Variants in ULK1 observed in about 807,000 individuals in gnomAD.
The protein encoded by ULK1 is unc-51 like autophagy activating kinase 1.
In ULK1, 48 loss-of-function variants were observed where a neutral mutation model predicts 117.5. The ratio of observed to expected loss-of-function variants is 0.41; its 90% confidence interval spans 0.32 to 0.52. The LOEUF is 0.52. Ranked by LOEUF, ULK1 falls within the 20% of genes least tolerant of loss-of-function variation. The probability of loss-of-function intolerance (pLI) is 0.29; values close to 1 mark genes in which losing one functional copy is unlikely to be tolerated. For missense variants in ULK1, 1,387 were observed against 1,473.4 expected (o/e 0.94, Z 0.96); for synonymous variants, 790 against 637.8 (o/e 1.24, Z -3.60).
chr12:131,916,369 C>T, intron 19 of ULK1, 29 bp from the exon 20 acceptor site: 1 of 1,535,938 alleles, frequency 6.5e-7, no homozygotes, highest in Non-Finnish European at 8.8e-7. Context: ...ACCTGCGGGG[C>T]AGTCTTCACC....
intron 14 of ULK1, 24 bp downstream of exon 14, chr12:131,913,282 G>C (rs761079546): frequency 3.9e-6 from 6 of 1,527,406 alleles, no homozygotes; most frequent in Middle Eastern, 1.7e-4. Context: ...CCTTACCTCT[G>C]TATTTTAGGG....
intron 3 of ULK1, among the ~76,000 whole-genome samples, chr12:131,904,515 G>A: frequency 6.6e-6 from 1 of 152,128 alleles, no homozygotes; most frequent in East Asian, 1.9e-4. Flanking sequence ...AGGCTACAGG[G>A]CTTCAGTTAG....
chr12:131,901,535 C>T (rs536302573), intron 3 of ULK1, among the ~76,000 whole-genome samples: 1 of 152,312 alleles, frequency 6.6e-6, no homozygotes, highest in East Asian at 1.9e-4. Context: ...GTGTGCCCCC[C>T]TCCCCCTCTG....
At chr12:131,910,140 C>T in intron 10 of ULK1, 114 bp from the exon 11 acceptor site, 1 of 1,565,954 alleles carries the variant, frequency 6.4e-7, no homozygotes, top group South Asian at 1.1e-5. Context: ...GGCAGGGGCT[C>T]CACCTCCGCC....
At chr12:131,909,731 G>A (rs1223825412) in intron 8 of ULK1, 44 bp from the exon 9 acceptor site, 3 of 1,537,482 alleles carry the variant, frequency 2.0e-6, no homozygotes, top group Non-Finnish European at 2.6e-6. Context: ...GGCTGGTCCC[G>A]CTCGGCCGCA....
At chr12:131,905,351 T>G (rs1006213061) in intron 3 of ULK1, among the ~76,000 whole-genome samples, 1 of 150,634 alleles carries the variant, frequency 6.6e-6, no homozygotes, top group African/African-American at 2.5e-5. Context: ...TGCCTTCTGA[T>G]TGGTTGGGGC....
At position 131,908,709 on chromosome 12, in the gene ULK1, C is replaced by T; in HGVS notation, c.382C>T (p.Leu128Phe). 1 of 1,605,492 alleles carries T rather than the reference C, an allele frequency of 6.2e-7. No individual in the cohort carries two copies. The highest frequency in any genetic ancestry group is 1.1e-5 in the South Asian group (1 of 90,468). Residue 128 changes from leucine to phenylalanine, a missense_variant, in exon 6 of 28, where the codon CTT (leucine) becomes TTT (phenylalanine). Coordinates refer to ENST00000321867, the MANE Select transcript of ULK1 (RefSeq NM_003565.4). The part of the protein sequence containing the change: ...FLQQIAGAMR[L>F]LHSKGIIHRD... ...GCAGCAGATCGCGGGCGCCATGCGG[C>T]TTCTGCACAGCAAAGGCATCATCCA...
In ULK1 at chr12:131,909,121, CTT is replaced by C; in HGVS notation, c.565-14_565-13del. On this transcript the variant is annotated splice_polypyrimidine_tract_variant and intron_variant, in intron 7 of 27. Coordinates refer to ENST00000321867, the MANE Select transcript of ULK1 (RefSeq NM_003565.4). ...GTGCGGGGGCCTCACACTGACCCGACTTCTGGTCCCGCAGGCCCCCGAGGTCA... is the reference window on the plus strand; with the variant it reads ...GTGCGGGGGCCTCACACTGACCCGACCTGGTCCCGCAGGCCCCCGAGGTCA... The C allele has an allele frequency of 6.2e-7, 1 of 1,603,000 alleles. No individual in the cohort carries two copies. Among genetic ancestry groups the C allele is most frequent in the Non-Finnish European group, 8.5e-7 (1 of 1,175,614 alleles).
chr12:131,916,556 G>A lies in ULK1; in HGVS notation c.2037G>A (p.Leu679=), dbSNP rs774825930. 4.4e-6 allele frequency: 7 copies of A among 1,601,428 alleles called. No individual in the cohort carries two copies. Among genetic ancestry groups the A allele is most frequent in the East Asian group, 2.2e-5 (1 of 44,764 alleles). Residue 679 remains leucine, a synonymous_variant, in exon 20 of 28, where the codon CTG becomes CTA. Transcript: ENST00000321867. The part of the protein sequence containing the change: ...PFHGQPLGPG[L]RPGEDPKGPF... ...ATGGTCAGCCGTTGGGCCCTGGCCT[G>A]CGGCCAGGCGAGGACCCCAAGGGCC...
Position 131,916,195 on chromosome 12 carries a change from C to A in ULK1, c.1878+36C>A, listed in dbSNP as rs772308497. 3.8e-6 allele frequency: 6 copies of A among 1,591,070 alleles called. No homozygotes were observed. The South Asian group carries it at 4.5e-5, about 12-fold the overall frequency. ...CTGCCATGTGTGCAGGGGCACAGAG[C>A]CCTGGGGAAGATGTGTGGGAATGGC... On this transcript the variant is annotated intron_variant, in intron 19 of 27. Transcript: ENST00000321867.
At chr12:131,911,811 G>A (rs563660462) in intron 12 of ULK1, 131 bp from the exon 13 acceptor site, 25 of 1,284,176 alleles carry the variant, frequency 1.9e-5, no homozygotes, top group Admixed American at 6.8e-5. Flanking sequence ...GAAGAAAGAC[G>A]TGCCCAGCCC....
intron 5 of ULK1, among the ~76,000 whole-genome samples, chr12:131,907,928 A>AG (rs1406226309): frequency 9.4e-6 from 1 of 106,642 alleles, no homozygotes; most frequent in Non-Finnish European, 1.8e-5. Context: ...GAAGGACAGC[A>AG]GGGGGGCGGC....
At chr12:131,907,403 G>C in intron 4 of ULK1, 92 bp from the exon 5 acceptor site, 4 of 1,517,944 alleles carry the variant, frequency 2.6e-6, no homozygotes, top group Non-Finnish European at 3.6e-6. Flanking sequence ...TCAGGGAGTA[G>C]TGTCCAAGTG....
At chr12:131,909,288 C>G in intron 8 of ULK1, 51 bp downstream of exon 8, 8 of 1,506,662 alleles carry the variant, frequency 5.3e-6, no homozygotes, top group Non-Finnish European at 7.1e-6. Context: ...TGCAAGTGTC[C>G]GCCAGCTGCG....
Position 131,894,975 on chromosome 12 carries a change from G to A in ULK1, c.-27G>A, listed in dbSNP as rs1452581563. ...CCCGCGCCTTGGCCCGCCACCCCCC[G>A]CCCCGCGCCCCCGGCCCGCCTGCGC... is the stretch of plus-strand genomic sequence containing the variant. On this transcript the variant is annotated 5_prime_UTR_variant, in exon 1 of 28. Transcript: ENST00000321867. 7.0e-6 allele frequency: 3 copies of A among 428,038 alleles called. No individual in the cohort carries two copies. The highest frequency in any genetic ancestry group is 5.7e-6 in the Non-Finnish European group (2 of 349,478). The allele number at this position is 428,038 out of a possible 1,614,324, so 26.5% of individuals were successfully genotyped here.
At position 131,915,028 on chromosome 12, in the gene ULK1, A is replaced by G. The variant is rs1335279277; in HGVS notation, c.1374-55A>G. The G allele has an allele frequency of 6.0e-6, 9 of 1,508,722 alleles. No individual in the cohort carries two copies. In the Middle Eastern group the frequency reaches 1.1e-3, roughly 181 times the overall value. 93.5% of individuals were successfully genotyped at this position (1,508,722 alleles called of 1,614,324 possible). Reference sequence around the variant, plus strand: ...CTTGTCCCCAGGTCCTCTGCCGTCCACAGGTCAGGCAGGGCTGCTGAGGCC... The same window carrying G: ...CTTGTCCCCAGGTCCTCTGCCGTCCGCAGGTCAGGCAGGGCTGCTGAGGCC... On this transcript the variant is annotated intron_variant, in intron 16 of 27. Coordinates refer to ENST00000321867, the MANE Select transcript of ULK1 (RefSeq NM_003565.4).
At chr12:131,895,864 G>T (rs1888845298) in intron 3 of ULK1, 40 bp downstream of exon 3, 7 of 1,612,758 alleles carry the variant, frequency 4.3e-6, no homozygotes, top group Non-Finnish European at 5.9e-6. Flanking sequence ...GACCGGGCTG[G>T]GGGACTGTGG....
intron 3 of ULK1, among the ~76,000 whole-genome samples, chr12:131,905,063 AGGCCTGCCTCATGGAT>A (rs1889221875): frequency 6.6e-6 from 1 of 152,092 alleles, no homozygotes; most frequent in Non-Finnish European, 1.5e-5. Context: ...GGGTGGGCTG[AGGCCTGCCTCATGGAT>A]AGGTCCCACC....
intron 13 of ULK1, among the ~76,000 whole-genome samples, 173 bp downstream of exon 13, chr12:131,912,262 C>A (rs1388204801): frequency 6.6e-6 from 1 of 152,224 alleles, no homozygotes; most frequent in Non-Finnish European, 1.5e-5. Context: ...TCTGTTAAAA[C>A]CACTCCTGGA....
Sources: allele counts gnomAD v4.1 joint callset (sites outside exome capture counted in the v4.1 genomes callset), GRCh38; gene constraint gnomAD v4.1.1; transcripts MANE v1.5; gene names NCBI Gene and HGNC (gene_info 2026-07-23, HGNC 2026-07-21).